The following ROBO1 variants were observed in gnomAD, a reference collection of about 807,000 sequenced individuals.
The protein encoded by ROBO1 is roundabout guidance receptor 1.
In ROBO1, 149 loss-of-function variants were observed where a neutral mutation model predicts 195.9. The observed-to-expected ratio is 0.76, with a 90% CI of 0.67 to 0.87. The LOEUF is 0.87. Ranked by LOEUF, ROBO1 falls within the 40% of genes least tolerant of loss-of-function variation. The pLI, the probability that ROBO1 is intolerant of heterozygous loss-of-function variation, is 0.00. For missense variants in ROBO1, 1,933 were observed against 2,068.3 expected (o/e 0.93, Z 1.27); for synonymous variants, 816 against 733.2 (o/e 1.11, Z -1.82).
chr3:79,129,168 A>G (rs998274672), intron 2 of ROBO1, among the ~76,000 whole-genome samples: 1 of 152,154 alleles, frequency 6.6e-6, no homozygotes, highest in African/African-American at 2.4e-5. Context: ...CTTGTTTTCA[A>G]CCTACTTCTT....
At position 79,589,800 on chromosome 3, in the gene ROBO1, A is replaced by G. The variant is rs762473359; in HGVS notation, c.88+24T>C. 9 of 1,577,038 alleles carry G rather than the reference A, an allele frequency of 5.7e-6. No individual in the cohort carries two copies. The South Asian group carries it at 1.0e-4, about 18-fold the overall frequency. On this transcript the variant is annotated intron_variant, in intron 2 of 30. Transcript: ENST00000464233. ...AAGAGGGAATACTGGTTAAGTATTGATGAAACAAATGCACAGCACTTACCT... is the reference window on the plus strand; with the variant it reads ...AAGAGGGAATACTGGTTAAGTATTGGTGAAACAAATGCACAGCACTTACCT...
rs1186130313 is a variant in ROBO1 at position 79,507,840 on chromosome 3, G to T, written c.88+81984C>A. ...ATTCGGAACCTCAGAATATTACTGT[G>T]TTTGGGTATCAGGTGTTGAAAGAGA... On this transcript the variant is annotated intron_variant, in intron 2 of 30. Coordinates refer to ENST00000464233, the MANE Select transcript of ROBO1 (RefSeq NM_002941.4). The T allele has an allele frequency of 1.9e-5, 3 of 154,712 alleles. No homozygotes were observed. The Admixed American group carries it at 2.0e-4, about 10-fold the overall frequency. 9.6% of individuals were successfully genotyped at this position (154,712 alleles called of 1,614,324 possible).
At chr3:79,198,589 C>T (rs1287011236) in intron 2 of ROBO1, among the ~76,000 whole-genome samples, 4 of 152,012 alleles carry the variant, frequency 2.6e-5, no homozygotes, top group Non-Finnish European at 5.9e-5. Flanking sequence ...TCAGTGGTAG[C>T]TTCATGGGGA....
At position 79,146,413 on chromosome 3, in the gene ROBO1, A is replaced by G. The variant is rs545600143; in HGVS notation, c.89-20874T>C. Among the ~76,000 whole-genome samples, 288 of 152,176 alleles carry G rather than the reference A, an allele frequency of 1.9e-3. 2 individuals carry two copies. Among genetic ancestry groups the G allele is most frequent in the African/African-American group, 6.1e-3 (253 of 41,554 alleles). ...TGATTCTTTTGTCATTTTTGTGAAC[A>G]TAACTGCAGAAAAATATGTTTATTA... On this transcript the variant is annotated intron_variant, in intron 2 of 30. Coordinates refer to ENST00000464233, the MANE Select transcript of ROBO1 (RefSeq NM_002941.4).
At position 78,803,160 on chromosome 3, in the gene ROBO1, T is replaced by C. The variant is rs151039801; in HGVS notation, c.500-56260A>G. On this transcript the variant is annotated intron_variant, in intron 4 of 30. Coordinates refer to ENST00000464233, the MANE Select transcript of ROBO1 (RefSeq NM_002941.4). The stretch of plus-strand genomic sequence containing the variant: ...TCCCACTTCACTTACTGGCTGTGTA[T>C]TTTTGGCAAACTAATCAACCTGCCT... Among the ~76,000 whole-genome samples the C allele has an allele frequency of 3.3e-5, 5 of 152,304 alleles. No homozygotes were observed. The East Asian group carries it at 9.7e-4, about 29-fold the overall frequency.
At chr3:78,740,454 C>CTTTCTTTT (rs1184799642) in intron 5 of ROBO1, among the ~76,000 whole-genome samples, 1 of 82,796 alleles carries the variant, frequency 1.2e-5, no homozygotes, top group East Asian at 9.2e-4. Flanking sequence ...TTCTTTTTTT[C>CTTTCTTTT]TTTCTTTCTT....
chr3:78,636,508 C>G (rs1189209586), intron 22 of ROBO1, among the ~76,000 whole-genome samples: 3 of 151,860 alleles, frequency 2.0e-5, no homozygotes, highest in Admixed American at 2.0e-4. Context: ...TGGTTAGCTG[C>G]TGAAGCAACA....
chr3:79,353,782 C>T (rs188115728), intron 2 of ROBO1, among the ~76,000 whole-genome samples: 114 of 152,226 alleles, frequency 7.5e-4, no homozygotes, highest in Middle Eastern at 3.4e-3. Flanking sequence ...CAGTGGCTCA[C>T]GCCTGTAATC....
At chr3:79,237,353 C>T (rs1016272263) in intron 2 of ROBO1, among the ~76,000 whole-genome samples, 1 of 151,874 alleles carries the variant, frequency 6.6e-6, no homozygotes, top group East Asian at 1.9e-4. Flanking sequence ...GTGGTGGCGG[C>T]GCCTGTAGTC....
intron 4 of ROBO1, among the ~76,000 whole-genome samples, chr3:78,767,125 G>A (rs1384014092): frequency 2.6e-5 from 4 of 152,078 alleles, no homozygotes; most frequent in African/African-American, 9.7e-5. Context: ...GCGTGATGCT[G>A]GCTTCATAGA....
chr3:79,408,159 G>A (rs1331892131), intron 2 of ROBO1, among the ~76,000 whole-genome samples: 1 of 151,624 alleles, frequency 6.6e-6, no homozygotes, highest in African/African-American at 2.4e-5. Flanking sequence ...CCGAGGTTGT[G>A]GTGAGCTGAG....
At chr3:78,626,506 G>A (rs1704789849) in intron 26 of ROBO1, among the ~76,000 whole-genome samples, 1 of 152,044 alleles carries the variant, frequency 6.6e-6, no homozygotes, top group Non-Finnish European at 1.5e-5. Context: ...AACCTCTTCT[G>A]AGGCAAATAA....
chr3:79,007,426 T>G (rs2077651626), intron 3 of ROBO1, among the ~76,000 whole-genome samples: 1 of 152,128 alleles, frequency 6.6e-6, no homozygotes, highest in Non-Finnish European at 1.5e-5. Flanking sequence ...GACAGTGATA[T>G]TCCAGGTACC....
intron 1 of ROBO1, among the ~76,000 whole-genome samples, chr3:79,722,639 A>C (rs1374023211): frequency 6.6e-6 from 1 of 152,238 alleles, no homozygotes; most frequent in Non-Finnish European, 1.5e-5. Flanking sequence ...AGAAATGCTG[A>C]TAACAAATTC....
intron 16 of ROBO1, 117 bp downstream of exon 16, chr3:78,660,913 T>A (rs930876084): frequency 8.2e-5 from 61 of 744,818 alleles, no homozygotes; most frequent in Non-Finnish European, 1.1e-5. Context: ...GTATGTTCAA[T>A]ATCAAGAAAG....
intron 3 of ROBO1, among the ~76,000 whole-genome samples, chr3:78,977,096 T>C (rs980328880): frequency 6.6e-6 from 1 of 152,126 alleles, no homozygotes; most frequent in Non-Finnish European, 1.5e-5. Context: ...AACACTTCTT[T>C]CTCTTGTAAA....
rs775609851 is a variant in ROBO1, at chr3:79,440,641, C to T, written c.88+149183G>A. On this transcript the variant is annotated intron_variant, in intron 2 of 30. Transcript: ENST00000464233. ...TTCTGGTGACAATTTCAGTTGTCTG[C>T]GCATTTGCTCCTCCCTTGAACCATA... Among the ~76,000 whole-genome samples the T allele has an allele frequency of 4.3e-4, 65 of 152,172 alleles. 1 individual carries two copies. The highest frequency in any genetic ancestry group is 1.5e-3 in the African/African-American group (64 of 41,526).
intron 22 of ROBO1, among the ~76,000 whole-genome samples, 170 bp from the exon 23 acceptor site, chr3:78,636,278 AT>A (rs1422351133): frequency 6.6e-6 from 1 of 152,224 alleles, no homozygotes; most frequent in Non-Finnish European, 1.5e-5. Flanking sequence ...TCTAAAGAAA[AT>A]TAATAATTGA....
At chr3:79,691,963 A>G (rs1317408614) in intron 1 of ROBO1, among the ~76,000 whole-genome samples, 2 of 151,888 alleles carry the variant, frequency 1.3e-5, no homozygotes, top group African/African-American at 4.8e-5. Context: ...TTTTGCCTTT[A>G]TCAAGTGTAT....
Sources: gnomAD v4.1 joint callset for allele counts (sites outside exome capture counted in the v4.1 genomes callset) on GRCh38, gnomAD v4.1.1 for gene constraint, MANE v1.5 for transcripts, NCBI Gene and HGNC (gene_info 2026-07-23, HGNC 2026-07-21) for gene names.